CAMTA1: variants seen among roughly 807,000 people sequenced by gnomAD.
CAMTA1 encodes the protein calmodulin binding transcription activator 1, also known as calmodulin-binding transcription activator 1.
A neutral mutation model predicts 170.9 loss-of-function variants in CAMTA1; 27 were observed. That is an observed-to-expected ratio of 0.16 (90% CI 0.12 to 0.22). The LOEUF is 0.22. CAMTA1 is among the 10% of genes least tolerant of loss of function. The pLI, the probability that CAMTA1 is intolerant of heterozygous loss-of-function variation, is 1.00. For missense variants in CAMTA1, 1,619 were observed against 2,217.2 expected (o/e 0.73, Z 5.42); for synonymous variants, 833 against 891.5 (o/e 0.93, Z 1.17).
At chr1:7,636,508 G>A (rs566717009) in intron 6 of CAMTA1, among the ~76,000 whole-genome samples, 30 of 152,276 alleles carry the variant, frequency 2.0e-4, no homozygotes, top group Non-Finnish European at 3.4e-4. Context: ...CCTGAGGTCA[G>A]GAGTTCAAGA....
rs1205932766 is a variant in CAMTA1 at position 6,934,635 on chromosome 1, G to T, written c.234+109425G>T. Among the ~76,000 whole-genome samples the T allele has an allele frequency of 6.6e-6, 1 of 152,160 alleles. No individual in the cohort carries two copies. Among genetic ancestry groups the T allele is most frequent in the Non-Finnish European group, 1.5e-5 (1 of 68,014 alleles). Reference sequence around the variant, plus strand: ...CAGGGGAGACCTGTGGCCGGCAGGAGCTGCCCGAGATCCCGGGGCAAATGC... The same window carrying T: ...CAGGGGAGACCTGTGGCCGGCAGGATCTGCCCGAGATCCCGGGGCAAATGC... On this transcript the variant is annotated intron_variant, in intron 3 of 22. Transcript: ENST00000303635. The surrounding 1 kb of genome is among the most constrained non-coding windows in gnomAD (Gnocchi z 4.5).
chr1:7,104,225 CA>C (rs1573073965), intron 4 of CAMTA1, among the ~76,000 whole-genome samples: 1 of 146,944 alleles, frequency 6.8e-6, no homozygotes, highest in African/African-American at 2.6e-5. Flanking sequence ...ACACACAACA[CA>C]ACTACACACG....
chr1:7,358,071 G>A (rs370846621), intron 5 of CAMTA1, among the ~76,000 whole-genome samples: 44 of 152,332 alleles, frequency 2.9e-4, no homozygotes, highest in African/African-American at 8.7e-4. Flanking sequence ...TTTGTGGAGG[G>A]GGGGAATGGA....
intron 5 of CAMTA1, among the ~76,000 whole-genome samples, chr1:7,428,786 G>T (rs2092003378): frequency 6.6e-6 from 1 of 151,700 alleles, no homozygotes; most frequent in African/African-American, 2.4e-5. Context: ...GCCACGTCTT[G>T]TATTGCGTGG....
At chr1:7,083,654 C>T (rs1198231235) in intron 3 of CAMTA1, among the ~76,000 whole-genome samples, 1 of 152,132 alleles carries the variant, frequency 6.6e-6, no homozygotes, top group East Asian at 1.9e-4. Flanking sequence ...AGGGCAGGGC[C>T]TGGTTATTTA....
At chr1:6,804,789 C>A (rs1308961430) in intron 1 of CAMTA1, among the ~76,000 whole-genome samples, 1 of 152,112 alleles carries the variant, frequency 6.6e-6, no homozygotes, top group East Asian at 1.9e-4. Context: ...CTCCTGGGCT[C>A]AAGTGATCCT....
chr1:6,813,502 G>A (rs1645427884), intron 1 of CAMTA1, among the ~76,000 whole-genome samples: 1 of 149,636 alleles, frequency 6.7e-6, no homozygotes, highest in Admixed American at 6.6e-5. Flanking sequence ...TTTTAAGCAG[G>A]TTTAAAGTAG....
At chr1:6,943,369 G>A (rs574940174) in intron 3 of CAMTA1, among the ~76,000 whole-genome samples, 2 of 152,126 alleles carry the variant, frequency 1.3e-5, no homozygotes, top group Admixed American at 1.3e-4. Context: ...GGTCCCTGTG[G>A]CAGAGGGGAG....
intron 5 of CAMTA1, among the ~76,000 whole-genome samples, chr1:7,401,957 T>A (rs1309022283): frequency 3.3e-5 from 5 of 152,146 alleles, no homozygotes; most frequent in Admixed American, 1.3e-4. Flanking sequence ...TGCCTGACTC[T>A]GAGTCACCTT....
intron 4 of CAMTA1, among the ~76,000 whole-genome samples, chr1:7,099,574 G>A (rs111621299): frequency 2.6e-5 from 4 of 152,176 alleles, no homozygotes; most frequent in Admixed American, 1.3e-4. Flanking sequence ...ATCATCTTCC[G>A]GCTTCCTCAG....
intron 5 of CAMTA1, among the ~76,000 whole-genome samples, chr1:7,439,514 G>C (rs1245165385): frequency 6.6e-6 from 1 of 152,182 alleles, no homozygotes; most frequent in Non-Finnish European, 1.5e-5. Flanking sequence ...ACCTGCCTGA[G>C]TCTGTGTGGG....
chr1:6,800,650 A>G (rs959433526), intron 1 of CAMTA1, among the ~76,000 whole-genome samples: 11 of 152,192 alleles, frequency 7.2e-5, no homozygotes, highest in Admixed American at 2.6e-4. Flanking sequence ...GTTGATTAAT[A>G]TAACTGTTAT....
chr1:7,743,832 C>CT (rs1558278523), intron 16 of CAMTA1, among the ~76,000 whole-genome samples: 7 of 148,762 alleles, frequency 4.7e-5, no homozygotes, highest in Admixed American at 1.3e-4. Flanking sequence ...CTTTTCTTTT[C>CT]TTTTTTTTTT....
chr1:7,706,670 T>A (rs2096528133), intron 11 of CAMTA1, among the ~76,000 whole-genome samples: 1 of 152,226 alleles, frequency 6.6e-6, no homozygotes, highest in African/African-American at 2.4e-5. Context: ...TTACAGCGTA[T>A]GCATTTCCTA....
chr1:7,480,458 C>T (rs1481915983), intron 6 of CAMTA1, among the ~76,000 whole-genome samples: 2 of 151,690 alleles, frequency 1.3e-5, no homozygotes, highest in Non-Finnish European at 2.9e-5. Flanking sequence ...CCCTAGTTCC[C>T]CTCTCCTCCT....
intron 5 of CAMTA1, among the ~76,000 whole-genome samples, chr1:7,283,044 A>T (rs543772311): frequency 6.6e-6 from 1 of 152,314 alleles, no homozygotes; most frequent in South Asian, 2.1e-4. Context: ...ATAAGGAACA[A>T]GTTAAATAAA....
intron 3 of CAMTA1, among the ~76,000 whole-genome samples, chr1:7,089,476 ACTCT>A (rs1313617105): frequency 5.3e-5 from 8 of 151,242 alleles, no homozygotes; most frequent in East Asian, 1.9e-4. Flanking sequence ...ACACACACAC[ACTCT>A]CTCACTCACG....
intron 3 of CAMTA1, among the ~76,000 whole-genome samples, chr1:6,937,924 C>T (rs1571878411): frequency 6.6e-6 from 1 of 152,220 alleles, no homozygotes; most frequent in South Asian, 2.1e-4. Flanking sequence ...TACCACCTCA[C>T]TTAATTTATG....
At chr1:7,326,371 A>G (rs1321727678) in intron 5 of CAMTA1, among the ~76,000 whole-genome samples, 2 of 152,234 alleles carry the variant, frequency 1.3e-5, no homozygotes, top group Non-Finnish European at 2.9e-5. Flanking sequence ...TGGTACTTCT[A>G]GTTGAGAGAT....
Sources: allele counts gnomAD v4.1 joint callset (sites outside exome capture counted in the v4.1 genomes callset), GRCh38; gene constraint gnomAD v4.1.1; non-coding constraint Gnocchi (gnomAD v3.1); transcripts MANE v1.5; gene names NCBI Gene and HGNC (gene_info 2026-07-23, HGNC 2026-07-21).